The following FCN2 variants were observed in gnomAD, a reference collection of about 807,000 sequenced individuals.
FCN2 encodes the protein ficolin-2.
A neutral mutation model predicts 32.5 loss-of-function variants in FCN2; 31 were observed. The observed-to-expected ratio is 0.96, with a 90% CI of 0.72 to 1.29. The LOEUF (loss-of-function observed/expected upper bound fraction) is 1.29, where lower values mean the gene tolerates loss of function less well. Ranked by LOEUF, FCN2 falls within the 50% of genes most tolerant of loss-of-function variation. The probability of loss-of-function intolerance (pLI) is 0.00; values close to 1 mark genes in which losing one functional copy is unlikely to be tolerated. For missense variants in FCN2, 412 were observed against 406.5 expected, an observed-to-expected ratio of 1.01 and a Z score of -0.12; for synonymous variants, 181 against 164.5, an observed-to-expected ratio of 1.10 and a Z score of -0.77.
chr9:134,865,540 C>T, the FCN2 span, among the ~76,000 whole-genome samples: 2 of 152,088 alleles, frequency 1.3e-5, no homozygotes, highest in Non-Finnish European at 2.9e-5. Flanking sequence ...TCTAGATTAT[C>T]CTACATTATT....
At chr9:134,865,693 GC>G in the FCN2 span, among the ~76,000 whole-genome samples, 20 of 151,860 alleles carry the variant, frequency 1.3e-4, no homozygotes, top group Admixed American at 1.3e-3. Flanking sequence ...TGAGAGCACC[GC>G]TCTGGTCCAT....
intron 3 of FCN2, among the ~76,000 whole-genome samples, chr9:134,883,877 G>T (rs553073091): frequency 1.4e-5 from 2 of 138,334 alleles, no homozygotes; most frequent in African/African-American, 5.2e-5. Context: ...TGTATGGGGG[G>T]GTTCTCAGGT....
chr9:134,880,874 C>G lies in FCN2; in HGVS notation c.53C>G (p.Ser18Cys). The change falls in exon 1 of 8, where the codon TCT (serine) becomes TGT (cysteine). Residue 18 changes from serine to cysteine, a missense_variant. Coordinates refer to ENST00000291744, the MANE Select transcript of FCN2 (RefSeq NM_004108.3). ...GVLGAATLLL[S>C]FLGMAWALQA... ...CTGGGCGCTGCCACCCTGCTGCTCTCTTTCCTGGGCATGGCCTGGGCTCTC... is the reference window on the plus strand; with the variant it reads ...CTGGGCGCTGCCACCCTGCTGCTCTGTTTCCTGGGCATGGCCTGGGCTCTC... 1 of 1,613,604 alleles carries G rather than the reference C, an allele frequency of 6.2e-7. No homozygotes were observed. The highest frequency in any genetic ancestry group is 1.1e-5 in the South Asian group (1 of 90,986).
In FCN2 at chr9:134,887,467, T is replaced by A; in HGVS notation, c.*52T>A. ...CCTCCACACATAGTTGGTTGGGGGG[T>A]AGGGTTGGGAGCTTGGCCCTACGGT... On this transcript the variant is annotated 3_prime_UTR_variant, in exon 8 of 8. Transcript: ENST00000291744. 6.3e-7 allele frequency: 1 copy of A among 1,582,414 alleles called. No individual in the cohort carries two copies. Among genetic ancestry groups the A allele is most frequent in the South Asian group, 1.1e-5 (1 of 89,726 alleles).
chr9:134,871,510 C>T, the FCN2 span, among the ~76,000 whole-genome samples: 20 of 152,362 alleles, frequency 1.3e-4, no homozygotes, highest in Admixed American at 2.0e-4. Flanking sequence ...TGTGACCGCA[C>T]GCTGAGCCCA....
chr9:134,884,908 C>T (rs1830722630), intron 4 of FCN2, 136 bp downstream of exon 4: 1 of 853,206 alleles, frequency 1.2e-6, no homozygotes. Context: ...GTTTCCTTGT[C>T]CCCTAATTAT....
intron 2 of FCN2, among the ~76,000 whole-genome samples, chr9:134,883,088 G>A (rs1192443669): frequency 6.6e-6 from 1 of 152,184 alleles, no homozygotes; most frequent in African/African-American, 2.4e-5. Flanking sequence ...TCCAGCTCCC[G>A]GCCCCTGAGT....
chr9:134,876,729 C>T (rs372850943), upstream of FCN2, among the ~76,000 whole-genome samples: 76 of 152,344 alleles, frequency 5.0e-4, 2 homozygotes, highest in South Asian at 0.015. Flanking sequence ...CAGGTGCCTA[C>T]CACCACACCA....
the FCN2 span, among the ~76,000 whole-genome samples, chr9:134,872,434 G>A: frequency 6.6e-6 from 1 of 151,932 alleles, no homozygotes; most frequent in South Asian, 2.1e-4. Flanking sequence ...CATTTCTCTC[G>A]GGTTAATATC....
At chr9:134,876,657 C>A (rs997556852), upstream of FCN2, among the ~76,000 whole-genome samples, 1 of 152,246 alleles carries the variant, frequency 6.6e-6, no homozygotes, top group African/African-American at 2.4e-5. Context: ...TGGCTCACTG[C>A]AACCTCTGCC....
At chr9:134,879,919 G>T (rs1327003875), upstream of FCN2, among the ~76,000 whole-genome samples, 2 of 152,106 alleles carry the variant, frequency 1.3e-5, no homozygotes, top group Admixed American at 6.5e-5. Context: ...GGCCTCTGGG[G>T]CCCCACCTGC....
chr9:134,865,693 G>A, the FCN2 span, among the ~76,000 whole-genome samples: 8 of 151,860 alleles, frequency 5.3e-5, no homozygotes, highest in Non-Finnish European at 1.5e-5. Context: ...TGAGAGCACC[G>A]CTCTGGTCCA....
Position 134,886,271 on chromosome 9 carries a change from C to T in FCN2, c.560-159C>T, listed in dbSNP as rs539642387. ...TGCCCTGCTGCTCAGCACACCCTGC[C>T]GGGTCAGAGCTACACAGGCCCCGGG... On this transcript the variant is annotated intron_variant, in intron 6 of 7. Transcript: ENST00000291744. Among the ~76,000 whole-genome samples the T allele has an allele frequency of 1.5e-4, 23 of 152,232 alleles. No homozygotes were observed. In the South Asian group the frequency reaches 2.5e-3, roughly 16 times the overall value.
the FCN2 span, among the ~76,000 whole-genome samples, chr9:134,873,558 C>T: frequency 0.39 from 59,480 of 152,174 alleles, 11,742 homozygotes; most frequent in South Asian, 0.46. Context: ...GATCATCTCC[C>T]CGTGTCACGA....
the FCN2 span, among the ~76,000 whole-genome samples, chr9:134,864,285 T>C: frequency 1.3e-5 from 2 of 152,144 alleles, no homozygotes; most frequent in Non-Finnish European, 2.9e-5. Context: ...CGCCAAGCTT[T>C]CCCTAAAGAC....
Position 134,885,198 on chromosome 9 carries a change from G to C in FCN2, c.302-41G>C, listed in dbSNP as rs764269410. The C allele has an allele frequency of 3.7e-6, 6 of 1,613,392 alleles. No individual in the cohort carries two copies. The Admixed American group carries it at 5.0e-5, about 13-fold the overall frequency. On this transcript the variant is annotated intron_variant, in intron 4 of 7. Coordinates refer to ENST00000291744, the MANE Select transcript of FCN2 (RefSeq NM_004108.3). ...CCTCCTACTGCCTGTGCCCTGCCCA[G>C]GGCTCCTGTCCTGCAGCCATTCCCC...
At chr9:134,874,832 A>T in the FCN2 span, among the ~76,000 whole-genome samples, 3 of 152,218 alleles carry the variant, frequency 2.0e-5, no homozygotes, top group Admixed American at 2.0e-4. Context: ...ATTCCTATCC[A>T]TGAACTAGGT....
At chr9:134,865,206 C>T in the FCN2 span, among the ~76,000 whole-genome samples, 2 of 152,236 alleles carry the variant, frequency 1.3e-5, no homozygotes, top group Admixed American at 1.3e-4. Flanking sequence ...GTCGATGTGG[C>T]ACCTAGGCTC....
Position 134,885,251 on chromosome 9 carries a change from G to T in FCN2, c.314G>T (p.Cys105Phe). The T allele has an allele frequency of 1.2e-6, 2 of 1,614,080 alleles. No homozygotes were observed. The highest frequency in any genetic ancestry group is 1.7e-6 in the Non-Finnish European group (2 of 1,179,990). Residue 105 changes from cysteine to phenylalanine, a missense_variant, in exon 5 of 8, where the codon TGC becomes TTC. Transcript: ENST00000291744. ...PQPCLTGPRT[C>F]KDLLDRGHFL... ...GTTCCCTTCCCAGGCCCGCGTACCTGCAAGGACCTGCTAGACCGAGGGCAC... is the reference window on the plus strand; with the variant it reads ...GTTCCCTTCCCAGGCCCGCGTACCTTCAAGGACCTGCTAGACCGAGGGCAC...
Sources: gnomAD v4.1 joint callset for allele counts (sites outside exome capture counted in the v4.1 genomes callset) on GRCh38, gnomAD v4.1.1 for gene constraint, MANE v1.5 for transcripts, NCBI Gene and HGNC (gene_info 2026-07-23, HGNC 2026-07-21) for gene names.